The following IPMK variants were observed in gnomAD, a reference collection of about 807,000 sequenced individuals.
IPMK encodes the protein inositol polyphosphate multikinase.
A neutral mutation model predicts 45.8 loss-of-function variants in IPMK; 17 were observed. The observed-to-expected ratio is 0.37, with a 90% CI of 0.25 to 0.56. IPMK has a LOEUF of 0.56. Among genes scored for constraint, IPMK ranks in the 20% least tolerant of loss-of-function variants. The probability of loss-of-function intolerance (pLI) is 0.79; values close to 1 mark genes in which losing one functional copy is unlikely to be tolerated. For missense variants in IPMK, 399 were observed against 498.0 expected (o/e 0.80, Z 1.89); for synonymous variants, 180 against 184.3 (o/e 0.98, Z 0.19).
chr10:58,227,934 T>A (rs1302348166), intron 2 of IPMK, among the ~76,000 whole-genome samples: 1 of 152,058 alleles, frequency 6.6e-6, no homozygotes, highest in Non-Finnish European at 1.5e-5. Context: ...TACGAAAACT[T>A]AGTATTAGAA....
intron 1 of IPMK, among the ~76,000 whole-genome samples, chr10:58,239,548 C>G (rs879348149): frequency 3.3e-5 from 5 of 152,058 alleles, no homozygotes; most frequent in Non-Finnish European, 7.4e-5. Context: ...ATCAGCCAAG[C>G]GGTAGACAAC....
At chr10:58,213,799 A>G (rs1012864937) in intron 4 of IPMK, among the ~76,000 whole-genome samples, 4 of 152,224 alleles carry the variant, frequency 2.6e-5, no homozygotes, top group African/African-American at 9.6e-5. Flanking sequence ...TCAAAGAAGA[A>G]TGTTTCAAGG....
intron 1 of IPMK, among the ~76,000 whole-genome samples, chr10:58,262,325 T>C (rs1839085325): frequency 6.6e-6 from 1 of 152,066 alleles, no homozygotes; most frequent in Admixed American, 6.6e-5. Context: ...ATTCTGAAAA[T>C]TGTAAGATTA....
chr10:58,209,806 G>T (rs1838130938), intron 4 of IPMK, among the ~76,000 whole-genome samples: 1 of 152,210 alleles, frequency 6.6e-6, no homozygotes, highest in Non-Finnish European at 1.5e-5. Context: ...AGCTTTAGCG[G>T]TTGTTTTCTC....
intron 5 of IPMK, among the ~76,000 whole-genome samples, chr10:58,198,003 C>T (rs1290421246): frequency 6.6e-6 from 1 of 152,210 alleles, no homozygotes; most frequent in East Asian, 1.9e-4. Flanking sequence ...GCACTCCAGC[C>T]TGGGTGATAC....
At chr10:58,214,083 CA>C (rs1203438073) in intron 4 of IPMK, among the ~76,000 whole-genome samples, 1 of 151,904 alleles carries the variant, frequency 6.6e-6, no homozygotes, top group Non-Finnish European at 1.5e-5. Flanking sequence ...AAAAACTTGA[CA>C]GTGATTTGAA....
At chr10:58,212,233 T>C (rs2132150279) in intron 4 of IPMK, among the ~76,000 whole-genome samples, 1 of 152,324 alleles carries the variant, frequency 6.6e-6, no homozygotes, top group South Asian at 2.1e-4. Flanking sequence ...TTCTTTCTAG[T>C]AGTGGCTTAC....
chr10:58,214,014 A>T (rs964738692), intron 4 of IPMK, among the ~76,000 whole-genome samples: 1 of 152,256 alleles, frequency 6.6e-6, no homozygotes, highest in African/African-American at 2.4e-5. Flanking sequence ...GAGACAAGCT[A>T]AATCTGCAGT....
At chr10:58,267,162 G>C (rs922005258) in intron 1 of IPMK, among the ~76,000 whole-genome samples, 1 of 152,174 alleles carries the variant, frequency 6.6e-6, no homozygotes, top group Non-Finnish European at 1.5e-5. Context: ...CAACCTCCCT[G>C]GGGGGTGGGT....
chr10:58,233,026 T>C (rs1307421374), intron 2 of IPMK, among the ~76,000 whole-genome samples: 3 of 152,040 alleles, frequency 2.0e-5, no homozygotes, highest in Admixed American at 2.0e-4. Flanking sequence ...CAAACTACCA[T>C]CAGAGAATAC....
At chr10:58,243,395 G>C (rs1054282406) in intron 1 of IPMK, among the ~76,000 whole-genome samples, 4 of 152,056 alleles carry the variant, frequency 2.6e-5, no homozygotes, top group African/African-American at 9.7e-5. Context: ...CTCTTTCTAC[G>C]GTCTCCCTCT....
At chr10:58,259,795 G>A (rs1033064844) in intron 1 of IPMK, among the ~76,000 whole-genome samples, 4 of 151,854 alleles carry the variant, frequency 2.6e-5, no homozygotes, top group Admixed American at 1.3e-4. Flanking sequence ...AGCCATGACT[G>A]TACCACTGCA....
At chr10:58,245,976 T>G (rs890663951) in intron 1 of IPMK, among the ~76,000 whole-genome samples, 1 of 135,066 alleles carries the variant, frequency 7.4e-6, no homozygotes, top group Non-Finnish European at 1.5e-5. Flanking sequence ...AAAATCAACG[T>G]ACAAAAATCA....
intron 2 of IPMK, among the ~76,000 whole-genome samples, chr10:58,229,156 C>A (rs1286747205): frequency 2.0e-5 from 3 of 152,114 alleles, no homozygotes; most frequent in Non-Finnish European, 4.4e-5. Context: ...AACAGAGAAG[C>A]AGCAAACAAA....
intron 3 of IPMK, 146 bp from the exon 4 acceptor site, chr10:58,216,463 T>TAA: frequency 8.1e-5 from 30 of 369,440 alleles, no homozygotes; most frequent in Admixed American, 1.4e-4. Context: ...TAACTCTACC[T>TAA]AAAAAAAAAA....
intron 4 of IPMK, among the ~76,000 whole-genome samples, 185 bp from the exon 5 acceptor site, chr10:58,199,506 C>T (rs1837966805): frequency 6.6e-6 from 1 of 151,196 alleles, no homozygotes; most frequent in East Asian, 1.9e-4. Flanking sequence ...ATTTAACATC[C>T]ACTACTGATG....
chr10:58,218,966 AAATT>A (rs1832443107), intron 3 of IPMK, among the ~76,000 whole-genome samples: 1 of 152,200 alleles, frequency 6.6e-6, no homozygotes, highest in South Asian at 2.1e-4. Context: ...ACACTATAAT[AAATT>A]GAGGCACCCC....
chr10:58,209,811 T>TTTCTCC (rs1439056049), intron 4 of IPMK, among the ~76,000 whole-genome samples: 2 of 152,178 alleles, frequency 1.3e-5, no homozygotes, highest in African/African-American at 4.8e-5. Flanking sequence ...TAGCGGTTGT[T>TTTCTCC]TTCTCCTTCC....
At chr10:58,227,213 AT>A in intron 2 of IPMK, 74 bp from the exon 3 acceptor site, 1 of 1,108,130 alleles carries the variant, frequency 9.0e-7, no homozygotes. Context: ...CTCAAATAAA[AT>A]TTATGTTGAA....
Sources: allele counts gnomAD v4.1 joint callset (sites outside exome capture counted in the v4.1 genomes callset), GRCh38; gene constraint gnomAD v4.1.1; transcripts MANE v1.5; gene names NCBI Gene and HGNC (gene_info 2026-07-23, HGNC 2026-07-21).